RDX: variants seen among roughly 807,000 people sequenced by gnomAD.
RDX encodes radixin, also known as deafness, autosomal recessive 24.
In RDX, 32 loss-of-function variants were observed where a neutral mutation model predicts 83.7. The ratio of observed to expected loss-of-function variants is 0.38; its 90% confidence interval spans 0.29 to 0.51. The LOEUF (loss-of-function observed/expected upper bound fraction) is 0.51, where lower values mean the gene tolerates loss of function less well. RDX is among the 20% of genes least tolerant of loss of function. The probability of loss-of-function intolerance (pLI) is 0.87; values close to 1 mark genes in which losing one functional copy is unlikely to be tolerated. For synonymous variants in RDX, 229 were observed against 222.7 expected, an observed-to-expected ratio of 1.03 and a Z score of -0.25; for missense variants, 600 against 689.9, an observed-to-expected ratio of 0.87 and a Z score of 1.46.
At chr11:110,225,421 TAAAC>T (rs773668373), downstream of RDX, among the ~76,000 whole-genome samples, 2 of 151,794 alleles carry the variant, frequency 1.3e-5, no homozygotes, top group Non-Finnish European at 2.9e-5. Flanking sequence ...AACAGAAAAA[TAAAC>T]AATTTTAAAA....
chr11:110,191,621 C>A (rs1162353051), intron 15 of RDX, among the ~76,000 whole-genome samples: 3 of 152,176 alleles, frequency 2.0e-5, no homozygotes, highest in Non-Finnish European at 2.9e-5. Context: ...TTTGGGAGGC[C>A]AAGGCAGGTA....
At chr11:110,292,045 C>A (rs1335920799) in intron 1 of RDX, among the ~76,000 whole-genome samples, 1 of 152,122 alleles carries the variant, frequency 6.6e-6, no homozygotes, top group Non-Finnish European at 1.5e-5. Context: ...GTAATCCCAG[C>A]ACACTGGGAG....
chr11:110,220,920 A>T (rs11213316), intron 14 of RDX, among the ~76,000 whole-genome samples: 40,294 of 150,314 alleles, frequency 0.27, 6,079 homozygotes, highest in Middle Eastern at 0.34. Context: ...AAAGCAGGGA[A>T]ATTTGGTACA....
chr11:110,226,659 G>GATT (rs1014022125), downstream of RDX, among the ~76,000 whole-genome samples: 1 of 152,092 alleles, frequency 6.6e-6, no homozygotes, highest in African/African-American at 2.4e-5. Context: ...GATAAAAAAA[G>GATT]ATTCAACTGT....
intron 14 of RDX, among the ~76,000 whole-genome samples, chr11:110,222,982 T>C (rs1216766271): frequency 6.6e-6 from 1 of 152,208 alleles, no homozygotes; most frequent in Admixed American, 6.5e-5. Flanking sequence ...TTAATGGGAT[T>C]AAAAAGTAAA....
chr11:110,293,981 T>C, intron 1 of RDX, among the ~76,000 whole-genome samples: 1 of 152,240 alleles, frequency 6.6e-6, no homozygotes, highest in East Asian at 1.9e-4. Flanking sequence ...TCATTTACCA[T>C]TTCAGACTAT....
At chr11:110,296,080 C>T (rs1250608487) in intron 1 of RDX, among the ~76,000 whole-genome samples, 2 of 152,242 alleles carry the variant, frequency 1.3e-5, no homozygotes, top group African/African-American at 4.8e-5. Flanking sequence ...AGCCCGGGCC[C>T]GGGGCCCAGT....
At position 110,216,312 on chromosome 11, in the gene RDX, T is replaced by C. The variant is rs568488593; in HGVS notation, c.1748+15561A>G. Among the ~76,000 whole-genome samples the C allele has an allele frequency of 2.5e-4, 38 of 152,260 alleles. 1 individual carries two copies. In the South Asian group the frequency reaches 5.0e-3, roughly 20 times the overall value. ...TGGAATTTTAAAGCAAGGCTGTAAA[T>C]TGGTGTCCAGTGGGCTACTTCTGGC... is the stretch of plus-strand genomic sequence containing the variant. On this transcript the variant is annotated intron_variant, in intron 14 of 15. Coordinates refer to the RDX transcript ENST00000528498.
chr11:110,244,069 C>T (rs1162625283), intron 10 of RDX, among the ~76,000 whole-genome samples: 1 of 152,076 alleles, frequency 6.6e-6, no homozygotes, highest in African/African-American at 2.4e-5. Context: ...TTCATAACAG[C>T]ATTAGTCACC....
chr11:110,267,716 C>A (rs367638495), intron 3 of RDX, among the ~76,000 whole-genome samples: 1 of 151,738 alleles, frequency 6.6e-6, no homozygotes, highest in Non-Finnish European at 1.5e-5. Flanking sequence ...GTGATCCCAA[C>A]ACTTTAGGAG....
intron 3 of RDX, among the ~76,000 whole-genome samples, chr11:110,266,798 G>C (rs1037050293): frequency 2.9e-4 from 44 of 152,066 alleles, no homozygotes; most frequent in African/African-American, 9.9e-4. Context: ...ATGTCGCCAA[G>C]GCTAATCTTA....
At chr11:110,268,369 T>C (rs1860146436) in intron 3 of RDX, among the ~76,000 whole-genome samples, 1 of 149,998 alleles carries the variant, frequency 6.7e-6, no homozygotes. Context: ...GAATATAAAG[T>C]CTCATACTGA....
At chr11:110,257,622 A>T (rs1041776592) in intron 7 of RDX, 145 bp downstream of exon 7, 15 of 806,638 alleles carry the variant, frequency 1.9e-5, no homozygotes, top group Admixed American at 6.3e-5. Context: ...AATATCTACA[A>T]GTCTATGTGT....
intron 14 of RDX, among the ~76,000 whole-genome samples, chr11:110,201,548 T>C (rs913223303): frequency 6.7e-6 from 1 of 148,668 alleles, no homozygotes; most frequent in African/African-American, 2.5e-5. Flanking sequence ...GACAGTATTT[T>C]AGCTGAAGGC....
chr11:110,268,330 C>T (rs1046405628), intron 3 of RDX, among the ~76,000 whole-genome samples: 14 of 146,210 alleles, frequency 9.6e-5, no homozygotes, highest in Admixed American at 4.8e-4. Context: ...AAAAAAAAAG[C>T]AAAAAGTGAG....
Position 110,284,398 on chromosome 11 carries a change from T to C in RDX, c.-64-4642A>G, listed in dbSNP as rs183326829. On this transcript the variant is annotated intron_variant, in intron 1 of 13. Transcript: ENST00000645495. The stretch of plus-strand genomic sequence containing the variant: ...GATAACATGGACTTCTCCAGGGTTG[T>C]GGGGGTTTTTTATTTGTTTTTTGGT... Among the ~76,000 whole-genome samples, 10 of 152,336 alleles carry C rather than the reference T, an allele frequency of 6.6e-5. No homozygotes were observed. In the East Asian group the frequency reaches 1.7e-3, roughly 26 times the overall value.
chr11:110,205,533 C>A (rs1239896082), intron 14 of RDX, among the ~76,000 whole-genome samples: 1 of 148,030 alleles, frequency 6.8e-6, no homozygotes, highest in East Asian at 2.0e-4. Flanking sequence ...AGATTAGTAA[C>A]CACAATGGAA....
At chr11:110,214,163 A>G (rs1863942089) in intron 14 of RDX, among the ~76,000 whole-genome samples, 1 of 151,722 alleles carries the variant, frequency 6.6e-6, no homozygotes, top group Non-Finnish European at 1.5e-5. Flanking sequence ...AAACAACCCC[A>G]TCAAAAAGTG....
intron 10 of RDX, among the ~76,000 whole-genome samples, chr11:110,244,473 A>G (rs1264610292): frequency 6.6e-6 from 1 of 151,968 alleles, no homozygotes; most frequent in East Asian, 1.9e-4. Flanking sequence ...ACAAAAGACC[A>G]CATTTTGCAT....
Sources: gnomAD v4.1 joint callset for allele counts (sites outside exome capture counted in the v4.1 genomes callset) on GRCh38, gnomAD v4.1.1 for gene constraint, MANE v1.5 for transcripts, NCBI Gene and HGNC (gene_info 2026-07-23, HGNC 2026-07-21) for gene names.